The following CSMD3 variants were observed in gnomAD, a reference collection of about 807,000 sequenced individuals.
CSMD3 encodes the protein CUB and Sushi multiple domains 3.
CSMD3 carries 177 observed loss-of-function variants against 435.2 expected under a neutral mutation model. The observed-to-expected ratio is 0.41, with a 90% confidence interval of 0.36 to 0.46. The LOEUF (loss-of-function observed/expected upper bound fraction) is 0.46, where lower values mean the gene tolerates loss of function less well. Among genes scored for constraint, CSMD3 ranks in the 20% least tolerant of loss-of-function variants. The pLI, the probability that CSMD3 is intolerant of heterozygous loss-of-function variation, is 0.34. For missense variants in CSMD3, 4,265 were observed against 4,504.6 expected, an observed-to-expected ratio of 0.95 and a Z score of 1.52; for synonymous variants, 1,656 against 1,520.5, an observed-to-expected ratio of 1.09 and a Z score of -2.07.
chr8:113,142,905 A>G (rs2091583813), intron 4 of CSMD3, among the ~76,000 whole-genome samples: 1 of 150,296 alleles, frequency 6.7e-6, no homozygotes, highest in East Asian at 2.0e-4. Flanking sequence ...ATGTACATGC[A>G]AAAATTAAAA....
At chr8:112,385,567 A>T (rs975748141) in intron 36 of CSMD3, among the ~76,000 whole-genome samples, 3 of 152,144 alleles carry the variant, frequency 2.0e-5, no homozygotes, top group African/African-American at 7.2e-5. Flanking sequence ...AGACAATTTC[A>T]ATATCTATTT....
chr8:112,369,765 G>A (rs562412104), intron 38 of CSMD3, among the ~76,000 whole-genome samples: 5 of 152,010 alleles, frequency 3.3e-5, no homozygotes, highest in East Asian at 1.9e-4. Flanking sequence ...TAATGCATGC[G>A]GGGCTTAAAA....
At chr8:112,898,725 C>A (rs7842872) in intron 10 of CSMD3, among the ~76,000 whole-genome samples, 8,143 of 151,132 alleles carry the variant, frequency 0.054, 728 homozygotes, top group African/African-American at 0.18. Context: ...TATTTTCATA[C>A]AAAATTACAG....
intron 4 of CSMD3, among the ~76,000 whole-genome samples, chr8:113,129,936 T>C (rs1240468282): frequency 6.6e-6 from 1 of 151,940 alleles, no homozygotes; most frequent in Non-Finnish European, 1.5e-5. Flanking sequence ...TACTTATATA[T>C]GCTAATTTTA....
intron 45 of CSMD3, among the ~76,000 whole-genome samples, chr8:112,327,001 G>A (rs1461402716): frequency 1.3e-5 from 2 of 152,052 alleles, no homozygotes; most frequent in African/African-American, 2.4e-5. Context: ...CAGCCTGGGC[G>A]ACAGAGTGAG....
intron 39 of CSMD3, 97 bp downstream of exon 39, chr8:112,352,319 A>T: frequency 1.3e-6 from 2 of 1,581,596 alleles, no homozygotes; most frequent in Non-Finnish European, 1.7e-6. Flanking sequence ...ACAAACCAGG[A>T]TCAATGTTGT....
At chr8:113,281,314 G>T (rs533760185) in intron 2 of CSMD3, among the ~76,000 whole-genome samples, 1 of 151,782 alleles carries the variant, frequency 6.6e-6, no homozygotes, top group Non-Finnish European at 1.5e-5. Context: ...CATTTCTTAA[G>T]TCTATTGGTA....
intron 3 of CSMD3, among the ~76,000 whole-genome samples, chr8:113,260,655 T>A (rs1046084724): frequency 1.6e-4 from 24 of 152,280 alleles, no homozygotes; most frequent in African/African-American, 4.8e-4. Context: ...ATGTGCAGAA[T>A]GTGCAGGTTT....
intron 13 of CSMD3, among the ~76,000 whole-genome samples, chr8:112,727,250 A>G (rs781326353): frequency 1.3e-5 from 2 of 151,922 alleles, no homozygotes; most frequent in Non-Finnish European, 2.9e-5. Context: ...ACAAAAATGT[A>G]TCAAAAAGAT....
chr8:112,291,509 C>A lies in CSMD3; in HGVS notation c.8974+1G>T, dbSNP rs1188461002. 1 of 1,589,030 alleles carries A rather than the reference C, an allele frequency of 6.3e-7. No individual in the cohort carries two copies. Among genetic ancestry groups the A allele is most frequent in the Non-Finnish European group, 8.6e-7 (1 of 1,158,206 alleles). On this transcript the variant is annotated splice_donor_variant, in intron 56 of 70. Transcript: ENST00000297405. LOFTEE classifies it high-confidence loss of function. ...AGAAACAATTCACATTATCTACTTA[C>A]TGATACATTCTGGTAAAGGTTTGTC...
At chr8:113,222,469 A>G (rs2092979319) in intron 3 of CSMD3, among the ~76,000 whole-genome samples, 1 of 151,064 alleles carries the variant, frequency 6.6e-6, no homozygotes, top group Admixed American at 6.6e-5. Context: ...GCTATAAAAC[A>G]TTATTTTCAT....
intron 32 of CSMD3, among the ~76,000 whole-genome samples, chr8:112,440,626 C>T (rs74854290): frequency 0.018 from 2,684 of 152,148 alleles, 82 homozygotes; most frequent in African/African-American, 0.061. Context: ...TTCTGCCAGA[C>T]GATCAGGTGT....
At chr8:112,321,673 A>T (rs540627264) in intron 45 of CSMD3, among the ~76,000 whole-genome samples, 1 of 152,150 alleles carries the variant, frequency 6.6e-6, no homozygotes, top group African/African-American at 2.4e-5. Context: ...CAACCAAAAA[A>T]ATCGTGTTTT....
chr8:112,829,623 T>C, intron 12 of CSMD3, 63 bp downstream of exon 12: 1 of 902,094 alleles, frequency 1.1e-6, no homozygotes, highest in African/African-American at 1.7e-5. Context: ...AAACAATAAT[T>C]TGAAAGTAAA....
At chr8:113,112,137 C>T (rs2131599910) in intron 4 of CSMD3, among the ~76,000 whole-genome samples, 1 of 151,926 alleles carries the variant, frequency 6.6e-6, no homozygotes, top group Admixed American at 6.6e-5. Flanking sequence ...TTGGGGTTTA[C>T]ATTTTTTCGC....
chr8:112,348,114 CAT>C (rs1022477850), intron 40 of CSMD3, among the ~76,000 whole-genome samples: 1 of 152,192 alleles, frequency 6.6e-6, no homozygotes, highest in African/African-American at 2.4e-5. Flanking sequence ...TCATTAGAGA[CAT>C]ATGAAGAAGG....
Position 112,954,256 on chromosome 8 carries a change from A to C in CSMD3, c.1420+428T>G, listed in dbSNP as rs191585912. 4.8e-4 allele frequency among the ~76,000 whole-genome samples: 73 copies of C among 151,626 alleles called. 1 individual carries two copies. Among genetic ancestry groups the C allele is most frequent in the African/African-American group, 1.7e-3 (71 of 41,518 alleles). ...CTCAAATTAAGACTTGTTTTTTCTG[A>C]AATGAAAATTGCTATCTTAAAAGTA... On this transcript the variant is annotated intron_variant, in intron 8 of 70. Coordinates refer to ENST00000297405, the MANE Select transcript of CSMD3 (RefSeq NM_198123.2).
chr8:112,465,756 C>T (rs979707240), intron 32 of CSMD3, among the ~76,000 whole-genome samples: 2 of 152,058 alleles, frequency 1.3e-5, no homozygotes, highest in African/African-American at 4.8e-5. Flanking sequence ...GGGTAGATCA[C>T]CTGAGGTCAG....
At chr8:113,413,825 T>C (rs1428889759) in intron 1 of CSMD3, among the ~76,000 whole-genome samples, 3 of 152,204 alleles carry the variant, frequency 2.0e-5, no homozygotes, top group Non-Finnish European at 1.5e-5. Flanking sequence ...TTTTATTCAC[T>C]CTTTCTTCCA....
Sources: gnomAD v4.1 joint callset for allele counts (sites outside exome capture counted in the v4.1 genomes callset) on GRCh38, gnomAD v4.1.1 for gene constraint, MANE v1.5 for transcripts, NCBI Gene and HGNC (gene_info 2026-07-23, HGNC 2026-07-21) for gene names.